AGBL1: variants seen among roughly 807,000 people sequenced by gnomAD.
AGBL1 encodes the protein cytosolic carboxypeptidase 4.
Under a neutral mutation model 118.9 loss-of-function variants are expected in AGBL1, and 130 were observed. The observed-to-expected ratio is 1.09, with a 90% CI of 0.95 to 1.26. The LOEUF (loss-of-function observed/expected upper bound fraction) is 1.26. Among genes scored for constraint, AGBL1 ranks in the 50% most tolerant of loss-of-function variants. The probability of loss-of-function intolerance (pLI) is 0.00; values close to 1 mark genes in which losing one functional copy is unlikely to be tolerated. For missense variants in AGBL1, 1,584 were observed against 1,298.1 expected (o/e 1.22, Z -3.38); for synonymous variants, 555 against 478.9 (o/e 1.16, Z -2.08).
At chr15:86,283,800 A>C (rs1382961270) in intron 16 of AGBL1, among the ~76,000 whole-genome samples, 1 of 152,190 alleles carries the variant, frequency 6.6e-6, no homozygotes, top group Non-Finnish European at 1.5e-5. Flanking sequence ...AGAAGCCAAT[A>C]TGTGCATGAA....
At chr15:86,468,223 G>T (rs2082431652) in intron 18 of AGBL1, among the ~76,000 whole-genome samples, 1 of 152,152 alleles carries the variant, frequency 6.6e-6, no homozygotes, top group Admixed American at 6.5e-5. Context: ...GCATTAGACA[G>T]GCATTCAAGT....
intron 3 of AGBL1, among the ~76,000 whole-genome samples, chr15:86,145,519 G>A (rs2077021174): frequency 6.6e-6 from 1 of 152,188 alleles, no homozygotes; most frequent in African/African-American, 2.4e-5. Context: ...CCTCTGAAAA[G>A]TGGGCCTTTG....
chr15:86,313,658 C>A (rs972190280), intron 17 of AGBL1, among the ~76,000 whole-genome samples: 1 of 152,132 alleles, frequency 6.6e-6, no homozygotes, highest in Admixed American at 6.6e-5. Flanking sequence ...GTTGTTCAGA[C>A]CCCAATAATT....
chr15:86,096,517 G>A (rs1370806274), intron 1 of AGBL1, among the ~76,000 whole-genome samples: 1 of 152,078 alleles, frequency 6.6e-6, no homozygotes, highest in Non-Finnish European at 1.5e-5. Flanking sequence ...AGTCTTTTGG[G>A]TAAAATTATA....
intron 18 of AGBL1, among the ~76,000 whole-genome samples, chr15:86,451,841 C>T (rs1484736697): frequency 1.3e-5 from 2 of 151,980 alleles, no homozygotes; most frequent in African/African-American, 4.8e-5. Context: ...ATTAAACTTC[C>T]CAAAAAGTGC....
chr15:86,945,705 T>C (rs1397561763), intron 23 of AGBL1, among the ~76,000 whole-genome samples: 2 of 152,156 alleles, frequency 1.3e-5, no homozygotes, highest in African/African-American at 2.4e-5. Flanking sequence ...TTACAACTTA[T>C]TAAAATTGGT....
intron 1 of AGBL1, among the ~76,000 whole-genome samples, chr15:86,092,839 G>A (rs192481052): frequency 2.0e-4 from 30 of 152,154 alleles, no homozygotes; most frequent in Middle Eastern, 3.4e-3. Context: ...ACTCACTCCC[G>A]AGATAATAAA....
intron 5 of AGBL1, among the ~76,000 whole-genome samples, chr15:86,197,328 C>T (rs2077829960): frequency 6.6e-6 from 1 of 152,140 alleles, no homozygotes; most frequent in Non-Finnish European, 1.5e-5. Flanking sequence ...CACCTGCTTA[C>T]AGAATAAGTG....
intron 22 of AGBL1, among the ~76,000 whole-genome samples, chr15:86,735,602 C>CTATGTG (rs1381381825): frequency 1.4e-5 from 2 of 141,916 alleles, no homozygotes; most frequent in African/African-American, 5.4e-5. Context: ...GAGATACAGA[C>CTATGTG]TGTGTGTGTG....
intron 18 of AGBL1, among the ~76,000 whole-genome samples, chr15:86,410,842 A>ATG (rs36174307): frequency 0.074 from 5,469 of 73,922 alleles, 448 homozygotes; most frequent in East Asian, 0.11. Flanking sequence ...ATATATATAT[A>ATG]ATATACTATT....
At chr15:86,946,042 T>C (rs1370631380) in intron 23 of AGBL1, 2 of 152,228 alleles carry the variant, frequency 1.3e-5, no homozygotes, top group Admixed American at 1.3e-4. Context: ...ATTAACTTAA[T>C]TGCCCGAAGT....
intron 22 of AGBL1, among the ~76,000 whole-genome samples, chr15:86,879,044 C>G (rs2079853750): frequency 6.6e-6 from 1 of 152,198 alleles, no homozygotes; most frequent in African/African-American, 2.4e-5. Context: ...GGGGCGAAAG[C>G]CTTTTGGTGA....
In AGBL1 at chr15:86,747,148, C is replaced by T. The variant is rs140107451; in HGVS notation, c.3158+72712C>T. Among the ~76,000 whole-genome samples, 839 of 152,038 alleles carry T rather than the reference C, an allele frequency of 5.5e-3. 4 individuals are homozygous for T. Among genetic ancestry groups the T allele is most frequent in the African/African-American group, 0.019 (809 of 41,490 alleles). On this transcript the variant is annotated intron_variant, in intron 22 of 22. Coordinates refer to ENST00000614907, the MANE Select transcript of AGBL1 (RefSeq NM_001386094.1). Reference sequence around the variant, plus strand: ...TTCCGCCTTTAAAAGAGCATGGGCCCCAAATATAGGCCATGATTTCATGCT... The same window carrying T: ...TTCCGCCTTTAAAAGAGCATGGGCCTCAAATATAGGCCATGATTTCATGCT...
Position 86,726,428 on chromosome 15 carries a change from C to T in AGBL1, c.3158+51992C>T, listed in dbSNP as rs115222293. On this transcript the variant is annotated intron_variant, in intron 22 of 22. Transcript: ENST00000614907. ...GAAACTTGAGTTGTGTGAACTCACT[C>T]TGTGAGGATCGGTTTCTCCATCTAT... Among the ~76,000 whole-genome samples the T allele has an allele frequency of 6.1e-3, 927 of 152,242 alleles. 11 individuals are homozygous for T. The highest frequency in any genetic ancestry group is 0.021 in the African/African-American group (879 of 41,542).
exon 24 of AGBL1, chr15:86,988,051 A>G (rs2081301616): frequency 6.2e-7 from 1 of 1,613,678 alleles, no homozygotes; most frequent in Non-Finnish European, 8.5e-7. Flanking sequence ...TGCCATTACA[A>G]ACTTTTTCAA....
chr15:86,421,553 G>A (rs1220174484), intron 18 of AGBL1, among the ~76,000 whole-genome samples: 2 of 152,118 alleles, frequency 1.3e-5, no homozygotes, highest in Admixed American at 1.3e-4. Flanking sequence ...CAACTAATGG[G>A]AAAAATAACC....
chr15:86,152,822 A>G (rs1226782365), intron 3 of AGBL1, among the ~76,000 whole-genome samples: 1 of 152,190 alleles, frequency 6.6e-6, no homozygotes, highest in Non-Finnish European at 1.5e-5. Flanking sequence ...TACAAGAGAA[A>G]AACAACCCCA....
In AGBL1 at chr15:86,615,531, T is replaced by C. The variant is rs2084708790; in HGVS notation, c.2995-58742T>C. On this transcript the variant is annotated intron_variant, in intron 21 of 22. Transcript: ENST00000614907. The surrounding 1 kb of genome is among the most constrained non-coding windows in gnomAD (Gnocchi z 4.3). ...ATGAAAAATATTCCTTGTGCTATGC[T>C]GAACCTGAGAAGGCCACACGCCATC... Among the ~76,000 whole-genome samples the C allele has an allele frequency of 6.6e-6, 1 of 152,220 alleles. No homozygotes were observed. The highest frequency in any genetic ancestry group is 2.4e-5 in the African/African-American group (1 of 41,460).
At chr15:86,886,609 TACGGTGAA>T in intron 22 of AGBL1, among the ~76,000 whole-genome samples, 2 of 152,316 alleles carry the variant, frequency 1.3e-5, no homozygotes, top group South Asian at 4.1e-4. Context: ...TAAGGGACCA[TACGGTGAA>T]TAAATGCATT....
Sources: gnomAD v4.1 joint callset for allele counts (sites outside exome capture counted in the v4.1 genomes callset) on GRCh38, gnomAD v4.1.1 for gene constraint, Gnocchi (gnomAD v3.1) non-coding constraint, MANE v1.5 for transcripts, NCBI Gene and HGNC (gene_info 2026-07-23, HGNC 2026-07-21) for gene names.